Variants in ACAD10 observed in about 807,000 individuals in gnomAD.
ACAD10 encodes the protein acyl-CoA dehydrogenase family member 10, also known as ACAD-10.
ACAD10 carries 112 observed loss-of-function variants against 116.8 expected under a neutral mutation model. That is an observed-to-expected ratio of 0.96 (90% CI 0.82 to 1.12). The LOEUF (loss-of-function observed/expected upper bound fraction) is 1.12, where lower values mean the gene tolerates loss of function less well. Ranked by LOEUF, ACAD10 falls within the 50% of genes most tolerant of loss-of-function variation. ACAD10 has a pLI of 0.00. For synonymous variants in ACAD10, 486 were observed against 510.6 expected (o/e 0.95, Z 0.65); for missense variants, 1,259 against 1,350.2 (o/e 0.93, Z 1.06).
chr12:111,746,128 AT>A lies in ACAD10; in HGVS notation c.2116-12del, dbSNP rs1429308135. ...ATCTTCCACTGTGGTTTCCTGACTT[AT>A]TTTCCCCATGATAGGAGAAAGCCAA... On this transcript the variant is annotated splice_polypyrimidine_tract_variant and intron_variant, in intron 13 of 20. Transcript: ENST00000313698. 6.2e-7 allele frequency: 1 copy of A among 1,602,234 alleles called. No homozygotes were observed. Among genetic ancestry groups the A allele is most frequent in the Admixed American group, 1.8e-5 (1 of 55,612 alleles).
chr12:111,753,384 G>T, intron 18 of ACAD10: 1 of 418,752 alleles, frequency 2.4e-6, no homozygotes, highest in Non-Finnish European at 4.8e-6. Flanking sequence ...TGCGCCGTGT[G>T]CAGTGCCTGC....
chr12:111,747,072 C>T lies in ACAD10; in HGVS notation c.2280C>T (p.Asp760=). Residue 760 remains aspartate (D), a synonymous_variant, in exon 15 of 21, where the codon GAC becomes GAT. Transcript: ENST00000313698. ...APEVCNCSAP[D]TGNMELLVRY... ...AGGTATGTAACTGCTCTGCGCCTGA[C>T]ACGGGCAACATGGAGCTGCTGGTGA... The T allele has an allele frequency of 1.9e-6, 3 of 1,609,802 alleles. No individual in the cohort carries two copies. Among genetic ancestry groups the T allele is most frequent in the Non-Finnish European group, 2.5e-6 (3 of 1,177,310 alleles).
At chr12:111,723,693 C>G (rs868308760) in intron 8 of ACAD10, among the ~76,000 whole-genome samples, 1 of 149,322 alleles carries the variant, frequency 6.7e-6, no homozygotes, top group Non-Finnish European at 1.5e-5. Context: ...GACCCCCCCC[C>G]CCACCTCCCT....
At chr12:111,718,625 A>T (rs976772380) in intron 7 of ACAD10, among the ~76,000 whole-genome samples, 1 of 151,998 alleles carries the variant, frequency 6.6e-6, no homozygotes, top group Admixed American at 6.6e-5. Flanking sequence ...GATTACAGGC[A>T]TGCGCCACCA....
At chr12:111,722,526 C>T (rs1889044577) in intron 8 of ACAD10, among the ~76,000 whole-genome samples, 1 of 151,776 alleles carries the variant, frequency 6.6e-6, no homozygotes, top group Non-Finnish European at 1.5e-5. Flanking sequence ...AGCAGAGGAC[C>T]CTGCGGCCTT....
Position 111,729,856 on chromosome 12 carries a change from T to C in ACAD10, c.1294T>C (p.Ser432Pro). 6.2e-7 allele frequency: 1 copy of C among 1,614,110 alleles called. No homozygotes were observed. The highest frequency in any genetic ancestry group is 8.5e-7 in the Non-Finnish European group (1 of 1,180,006). The change falls in exon 10 of 21, where the codon TCC becomes CCC. Residue 432 changes from serine to proline, a missense_variant. By Grantham distance (74) the Ser-to-Pro change is moderately conservative (BLOSUM62 -1). Transcript: ENST00000313698. ...AACCTGGGTTAAGCAGTATCGAGCTTCCGAAACTAGCACCATCCCAGCCAT... is the reference window on the plus strand; with the variant it reads ...AACCTGGGTTAAGCAGTATCGAGCTCCCGAAACTAGCACCATCCCAGCCAT... Reference protein sequence around the residue: ...VRTWVKQYRASETSTIPAMER... With the variant: ...VRTWVKQYRAPETSTIPAMER...
intron 11 of ACAD10, 33 bp from the exon 12 acceptor site, chr12:111,736,798 G>A: frequency 6.3e-7 from 1 of 1,593,878 alleles, no homozygotes; most frequent in Non-Finnish European, 8.5e-7. Flanking sequence ...TCACGTCAGT[G>A]ACTACCCATG....
intron 1 of ACAD10, 42 bp from the exon 2 acceptor site, chr12:111,692,655 G>T: frequency 6.4e-7 from 1 of 1,568,894 alleles, no homozygotes; most frequent in Non-Finnish European, 8.7e-7. Context: ...TGGTTGGGAG[G>T]CAGTGCAGGC....
intron 8 of ACAD10, among the ~76,000 whole-genome samples, chr12:111,723,148 C>A (rs1409801390): frequency 1.4e-5 from 2 of 141,974 alleles, no homozygotes; most frequent in Non-Finnish European, 3.1e-5. Context: ...GGGGGGCTGA[C>A]CCCCCCACCT....
chr12:111,697,749 C>T (rs889112195), intron 2 of ACAD10, among the ~76,000 whole-genome samples: 4 of 151,734 alleles, frequency 2.6e-5, no homozygotes, highest in Non-Finnish European at 5.9e-5. Flanking sequence ...CCACGCCCTG[C>T]TAATTTTTTG....
At chr12:111,694,957 G>A (rs1446256862) in intron 2 of ACAD10, among the ~76,000 whole-genome samples, 4 of 152,160 alleles carry the variant, frequency 2.6e-5, no homozygotes, top group East Asian at 1.9e-4. Context: ...TAGCCTGGGC[G>A]ATTGAGGCTG....
At chr12:111,740,662 T>A (rs1889711103) in intron 12 of ACAD10, among the ~76,000 whole-genome samples, 1 of 146,442 alleles carries the variant, frequency 6.8e-6, no homozygotes, top group Non-Finnish European at 1.5e-5. Context: ...GTGTCTGTAA[T>A]CCCAGCTAAC....
At chr12:111,687,375 C>T (rs1176151944) in intron 1 of ACAD10, among the ~76,000 whole-genome samples, 3 of 152,094 alleles carry the variant, frequency 2.0e-5, no homozygotes, top group South Asian at 2.1e-4. Context: ...GGCAAGGGGG[C>T]GGGGTGTCCT....
At chr12:111,703,997 A>G (rs1417449554) in intron 3 of ACAD10, among the ~76,000 whole-genome samples, 2 of 151,954 alleles carry the variant, frequency 1.3e-5, no homozygotes, top group East Asian at 3.9e-4. Flanking sequence ...GTCAAAAAAG[A>G]CTGCATGGTG....
intron 12 of ACAD10, among the ~76,000 whole-genome samples, chr12:111,743,536 A>G (rs1027202220): frequency 8.6e-5 from 13 of 151,408 alleles, no homozygotes; most frequent in Non-Finnish European, 1.8e-4. Flanking sequence ...AGGTTTCACC[A>G]TGTTGACCAG....
chr12:111,734,909 A>G (rs1403551789), intron 11 of ACAD10, among the ~76,000 whole-genome samples: 2 of 152,196 alleles, frequency 1.3e-5, no homozygotes, highest in Non-Finnish European at 2.9e-5. Flanking sequence ...TAATGAGAGC[A>G]TATAATTTTA....
chr12:111,741,239 A>G (rs1566164698), intron 12 of ACAD10, among the ~76,000 whole-genome samples: 1 of 151,960 alleles, frequency 6.6e-6, no homozygotes, highest in East Asian at 1.9e-4. Context: ...ACTATTTCCC[A>G]TTTTTTTTAT....
rs1215476554 is a variant in ACAD10 at position 111,753,895 on chromosome 12, A to C, written c.2941A>C (p.Met981Leu). The change falls in exon 19 of 21, where the codon ATG (methionine) becomes CTG (leucine). Residue 981 changes from methionine to leucine, a missense_variant. By Grantham distance (15) the Met-to-Leu change is conservative. Transcript: ENST00000313698. ...GCTGGTGCTGAGAGCTGCCCACCTC[A>C]TGGACCTGGCAGGAAACAAGGTAGG... ...RLLVLRAAHL[M>L]DLAGNKAAAL... is the part of the protein sequence containing the mutation. 1 of 1,607,914 alleles carries C rather than the reference A, an allele frequency of 6.2e-7. No homozygotes were observed. The highest frequency in any genetic ancestry group is 1.3e-5 in the African/African-American group (1 of 74,816).
chr12:111,734,005 CT>C lies in ACAD10; in HGVS notation c.1479del (p.Ala494LeufsTer19), dbSNP rs775950222. 19 of 1,614,102 alleles carry C rather than the reference CT, an allele frequency of 1.2e-5. No individual in the cohort carries two copies. Among genetic ancestry groups the C allele is most frequent in the Middle Eastern group, 1.6e-4 (1 of 6,084 alleles). On this transcript the variant is annotated frameshift_variant, in exon 11 of 21. Transcript: ENST00000313698. LOFTEE classifies it high-confidence loss of function. ...DWELSTLGDP[L>X]ADVAYSCLAH... is the part of the protein sequence containing the mutation. Reference sequence around the variant, plus strand: ...GGAACTTTCTACCTTGGGCGACCCCCTTGCTGATGTGGCCTACAGCTGCCTG... The same window carrying C: ...GGAACTTTCTACCTTGGGCGACCCCCTGCTGATGTGGCCTACAGCTGCCTG...
Sources: gnomAD v4.1 joint callset for allele counts (sites outside exome capture counted in the v4.1 genomes callset) on GRCh38, gnomAD v4.1.1 for gene constraint, MANE v1.5 for transcripts, NCBI Gene and HGNC (gene_info 2026-07-23, HGNC 2026-07-21) for gene names.